Variants in CUL4A observed in about 807,000 individuals in gnomAD.
CUL4A encodes cullin 4A.
Under a neutral mutation model 95.5 loss-of-function variants are expected in CUL4A, and 16 were observed. The observed-to-expected ratio is 0.17, with a 90% CI of 0.11 to 0.25. The LOEUF (loss-of-function observed/expected upper bound fraction) is 0.25. CUL4A is among the 10% of genes least tolerant of loss of function. The pLI, the probability that CUL4A is intolerant of heterozygous loss-of-function variation, is 1.00. For missense variants in CUL4A, 610 were observed against 937.0 expected (o/e 0.65, Z 4.56); for synonymous variants, 380 against 353.1 (o/e 1.08, Z -0.85).
intron 4 of CUL4A, among the ~76,000 whole-genome samples, chr13:113,228,498 G>C (rs772681016): frequency 6.6e-6 from 1 of 152,108 alleles, no homozygotes; most frequent in Non-Finnish European, 1.5e-5. Flanking sequence ...TCCTAAGTAG[G>C]TTGAAATCTT....
intron 3 of CUL4A, among the ~76,000 whole-genome samples, chr13:113,226,393 GC>G (rs900826333): frequency 2.0e-5 from 3 of 152,214 alleles, no homozygotes; most frequent in African/African-American, 7.2e-5. Context: ...CCTTTGACAA[GC>G]CATTTTCTTA....
rs1159984201 is a variant in CUL4A, at chr13:113,255,032, G to A, written c.1938G>A (p.Lys646=). 6.2e-7 allele frequency: 1 copy of A among 1,614,058 alleles called. No individual in the cohort carries two copies. The highest frequency in any genetic ancestry group is 2.2e-5 in the East Asian group (1 of 44,908). Residue 646 remains lysine (K), a synonymous_variant, in exon 18 of 20, where the codon AAG becomes AAA. Coordinates refer to ENST00000375440, the MANE Select transcript of CUL4A (RefSeq NM_001008895.4). ...TGCTGATTAAAAGTCCCAAAGGAAA[G>A]GAAGTGGAAGATGGAGACAAGTTCA... ...ARVLIKSPKG[K]EVEDGDKFIF...
chr13:113,230,530 A>G (rs969851834), intron 5 of CUL4A, among the ~76,000 whole-genome samples: 2 of 152,242 alleles, frequency 1.3e-5, no homozygotes, highest in Non-Finnish European at 2.9e-5. Context: ...AACGCTGCAC[A>G]GAAAAGACAG....
rs143142104 is a variant in CUL4A at position 113,212,793 on chromosome 13, A to G, written c.264+2705A>G. On this transcript the variant is annotated intron_variant, in intron 2 of 19. Transcript: ENST00000375440. ...GAGTGAGACTCCATTTCAAAAAAAT[A>G]CAAAGAAAAGTCTAGAGTCAGTGTT... 2.1e-3 allele frequency among the ~76,000 whole-genome samples: 325 copies of G among 152,354 alleles called. 1 individual carries two copies. Among genetic ancestry groups the G allele is most frequent in the African/African-American group, 7.3e-3 (304 of 41,584 alleles).
At chr13:113,260,585 T>A (rs746944884) in intron 18 of CUL4A, 22 bp from the exon 19 acceptor site, 2 of 1,567,856 alleles carry the variant, frequency 1.3e-6, no homozygotes, top group South Asian at 2.4e-5. Flanking sequence ...TACACTTAAC[T>A]TTTTTTTTCT....
chr13:113,223,715 G>A (rs1226725081), intron 3 of CUL4A, among the ~76,000 whole-genome samples: 2 of 152,158 alleles, frequency 1.3e-5, no homozygotes. Flanking sequence ...GTAATGTTAT[G>A]TACCGATTAT....
intron 15 of CUL4A, among the ~76,000 whole-genome samples, chr13:113,252,100 A>C (rs1047639891): frequency 6.6e-6 from 1 of 152,170 alleles, no homozygotes; most frequent in Non-Finnish European, 1.5e-5. Flanking sequence ...AGCACCGCGC[A>C]TGGGAGAGTC....
At chr13:113,223,228 G>A (rs1222987537) in intron 3 of CUL4A, among the ~76,000 whole-genome samples, 1 of 152,196 alleles carries the variant, frequency 6.6e-6, no homozygotes, top group African/African-American at 2.4e-5. Context: ...CTGGAAGAGA[G>A]TTCTGACCCA....
chr13:113,247,321 C>T (rs1371599427), intron 15 of CUL4A, among the ~76,000 whole-genome samples: 3 of 152,156 alleles, frequency 2.0e-5, no homozygotes, highest in Non-Finnish European at 1.5e-5. Flanking sequence ...TACCATCTAA[C>T]AGTAGTAGAG....
intron 2 of CUL4A, among the ~76,000 whole-genome samples, chr13:113,212,960 G>A (rs2040505872): frequency 6.6e-6 from 1 of 152,148 alleles, no homozygotes; most frequent in African/African-American, 2.4e-5. Flanking sequence ...ATTTGCACAG[G>A]TTTCTGGCTA....
At chr13:113,252,531 C>CA (rs1566367730) in intron 15 of CUL4A, among the ~76,000 whole-genome samples, 2 of 152,192 alleles carry the variant, frequency 1.3e-5, no homozygotes, top group South Asian at 4.2e-4. Flanking sequence ...GCCTGTGTTC[C>CA]AAAAAAGAAA....
chr13:113,209,429 C>A, upstream of CUL4A: 1 of 161,520 alleles, frequency 6.2e-6, no homozygotes, highest in South Asian at 1.8e-4. Flanking sequence ...GAGTCCGATC[C>A]CTCAGGAGGG....
At position 113,233,336 on chromosome 13, in the gene CUL4A, G is replaced by A. The variant is rs1330029740; in HGVS notation, c.672G>A (p.Leu224=). 8 of 1,612,338 alleles carry A rather than the reference G, an allele frequency of 5.0e-6. No homozygotes were observed. The highest frequency in any genetic ancestry group is 5.9e-6 in the Non-Finnish European group (7 of 1,179,730). ...LRSLLGMLSD[L]QVYKDSFELK... The stretch of plus-strand genomic sequence containing the variant: ...GCCTCCTGGGCATGCTGTCTGACCT[G>A]CAGGTGAGTGCTGCCTGTGCGGAAG... The change falls in exon 6 of 20, where the codon CTG becomes CTA. Residue 224 remains leucine, a synonymous_variant. Transcript: ENST00000375440.
At chr13:113,208,427 C>T, upstream of CUL4A, 1 of 1,497,726 alleles carries the variant, frequency 6.7e-7, no homozygotes, top group Non-Finnish European at 8.9e-7. Flanking sequence ...GGGCCGCCTT[C>T]CCGAGTCCCG....
Position 113,232,138 on chromosome 13 carries a change from G to A in CUL4A, c.513-1039G>A, listed in dbSNP as rs1320141535. Among the ~76,000 whole-genome samples, 19 of 127,060 alleles carry A rather than the reference G, an allele frequency of 1.5e-4. 3 individuals are homozygous for A. The East Asian group carries it at 3.7e-3, about 24-fold the overall frequency. The allele number at this position is 127,060 out of a possible 152,430, so 83.4% of individuals were successfully genotyped here. ...ACCACCATTACTGTCACCACTACCC[G>A]CCCACCACCATTACTGCTGCCACCA... On this transcript the variant is annotated intron_variant, in intron 5 of 19. Transcript: ENST00000375440.
chr13:113,208,887 G>T, upstream of CUL4A: 1 of 1,394,470 alleles, frequency 7.2e-7, no homozygotes, highest in Non-Finnish European at 9.3e-7. Flanking sequence ...GGGCCCGCCC[G>T]GGCTGAGGGG....
chr13:113,233,384 A>G (rs2041428169), intron 6 of CUL4A, 45 bp downstream of exon 6: 1 of 1,538,696 alleles, frequency 6.5e-7, no homozygotes, highest in African/African-American at 1.4e-5. Flanking sequence ...CTGCCCAGCT[A>G]CTTGCACCAG....
At chr13:113,254,165 G>GCCA (rs1378453410) in intron 16 of CUL4A, among the ~76,000 whole-genome samples, 2 of 152,048 alleles carry the variant, frequency 1.3e-5, no homozygotes, top group Non-Finnish European at 2.9e-5. Context: ...CGCAGAGGGG[G>GCCA]CCACCAACTG....
intron 16 of CUL4A, among the ~76,000 whole-genome samples, chr13:113,253,643 G>C (rs1014675740): frequency 2.0e-5 from 3 of 152,200 alleles, no homozygotes; most frequent in African/African-American, 7.2e-5. Flanking sequence ...TGGAAGGGCA[G>C]TTTGGCATTG....
Sources: gnomAD v4.1 joint callset for allele counts (sites outside exome capture counted in the v4.1 genomes callset) on GRCh38, gnomAD v4.1.1 for gene constraint, MANE v1.5 for transcripts, NCBI Gene and HGNC (gene_info 2026-07-23, HGNC 2026-07-21) for gene names.